Variants in GRM7 observed in about 807,000 individuals in gnomAD.
The protein encoded by GRM7 is glutamate metabotropic receptor 7.
Under a neutral mutation model 84.5 loss-of-function variants are expected in GRM7, and 35 were observed. The observed-to-expected ratio is 0.41, with a 90% CI of 0.32 to 0.55. GRM7 has a LOEUF of 0.55. Among genes scored for constraint, GRM7 ranks in the 20% least tolerant of loss-of-function variants. The pLI, the probability that GRM7 is intolerant of heterozygous loss-of-function variation, is 0.19. For missense variants in GRM7, 1,003 were observed against 1,194.6 expected (o/e 0.84, Z 2.36); for synonymous variants, 487 against 455.1 (o/e 1.07, Z -0.89).
At chr3:7,261,414 A>AC (rs1269803055) in intron 2 of GRM7, among the ~76,000 whole-genome samples, 1 of 152,072 alleles carries the variant, frequency 6.6e-6, no homozygotes, top group Non-Finnish European at 1.5e-5. Flanking sequence ...TAGGATTGCA[A>AC]CCCATGCTTT....
chr3:7,609,097 A>C (rs1696729097), intron 8 of GRM7, among the ~76,000 whole-genome samples: 1 of 152,128 alleles, frequency 6.6e-6, no homozygotes, highest in South Asian at 2.1e-4. Context: ...TACCAGTATC[A>C]TGCTGTTTTA....
At chr3:7,025,210 C>G (rs1189031889) in intron 1 of GRM7, among the ~76,000 whole-genome samples, 2 of 152,320 alleles carry the variant, frequency 1.3e-5, no homozygotes, top group Middle Eastern at 3.4e-3. Context: ...CTAGAATAAT[C>G]TCTCCATCTC....
chr3:6,950,329 C>G (rs1003331655), intron 1 of GRM7, among the ~76,000 whole-genome samples: 3 of 152,136 alleles, frequency 2.0e-5, no homozygotes, highest in East Asian at 3.9e-4. Flanking sequence ...CACTCCAGAC[C>G]CTGTTTGCCT....
At chr3:6,895,167 T>G (rs1181418519) in intron 1 of GRM7, among the ~76,000 whole-genome samples, 6 of 152,146 alleles carry the variant, frequency 3.9e-5, no homozygotes, top group Non-Finnish European at 1.5e-5. Context: ...CTCAATCTAC[T>G]GGAAAGTAAA....
intron 2 of GRM7, among the ~76,000 whole-genome samples, chr3:7,177,704 A>G (rs1695201174): frequency 6.6e-6 from 1 of 152,124 alleles, no homozygotes; most frequent in African/African-American, 2.4e-5. Context: ...GTTTTTAAAT[A>G]TCGAGAATCA....
At chr3:7,378,032 C>G (rs1189034377) in intron 4 of GRM7, among the ~76,000 whole-genome samples, 2 of 152,152 alleles carry the variant, frequency 1.3e-5, no homozygotes, top group Non-Finnish European at 2.9e-5. Context: ...CTCCCTGACC[C>G]CATCCCAATT....
intron 2 of GRM7, among the ~76,000 whole-genome samples, chr3:7,275,449 A>C (rs138664249): frequency 5.8e-4 from 89 of 152,186 alleles, no homozygotes; most frequent in African/African-American, 1.9e-3. Flanking sequence ...AGAATTTTAT[A>C]ATCCTATGAT....
intron 1 of GRM7, among the ~76,000 whole-genome samples, chr3:6,981,198 T>C (rs1056578324): frequency 2.0e-5 from 3 of 152,232 alleles, no homozygotes; most frequent in Non-Finnish European, 4.4e-5. Flanking sequence ...ACTTAAATTA[T>C]ACATGTTTGA....
intron 1 of GRM7, among the ~76,000 whole-genome samples, chr3:6,912,899 G>T (rs969906032): frequency 2.6e-5 from 4 of 152,112 alleles, no homozygotes; most frequent in Admixed American, 1.3e-4. Flanking sequence ...ATAAATTCAA[G>T]CTAAATAGCA....
chr3:7,428,072 A>T (rs777664840), intron 5 of GRM7, among the ~76,000 whole-genome samples: 5 of 152,168 alleles, frequency 3.3e-5, no homozygotes, highest in Non-Finnish European at 5.9e-5. Context: ...ATACGGAGTG[A>T]CCTATATGTC....
At chr3:7,208,827 C>G (rs1192231028) in intron 2 of GRM7, among the ~76,000 whole-genome samples, 4 of 152,120 alleles carry the variant, frequency 2.6e-5, no homozygotes, top group Non-Finnish European at 4.4e-5. Context: ...CTAATATGAT[C>G]CTGGATAGAA....
chr3:7,119,660 T>C (rs1693154844), intron 1 of GRM7, among the ~76,000 whole-genome samples: 1 of 152,158 alleles, frequency 6.6e-6, no homozygotes, highest in Non-Finnish European at 1.5e-5. Flanking sequence ...TAACTCACGT[T>C]AGGCCAAATC....
At chr3:7,463,974 C>G (rs1698358095) in intron 7 of GRM7, among the ~76,000 whole-genome samples, 1 of 152,094 alleles carries the variant, frequency 6.6e-6, no homozygotes, top group Admixed American at 6.6e-5. Flanking sequence ...GCAGAAAGAC[C>G]AATTATGATT....
chr3:7,393,415 A>T (rs1009250934), intron 4 of GRM7, among the ~76,000 whole-genome samples: 2 of 152,256 alleles, frequency 1.3e-5, no homozygotes, highest in African/African-American at 4.8e-5. Flanking sequence ...GTAAAAGCCC[A>T]TGTCAGAGCT....
At chr3:7,687,114 A>G (rs1700617917) in intron 9 of GRM7, among the ~76,000 whole-genome samples, 5 of 152,140 alleles carry the variant, frequency 3.3e-5, no homozygotes, top group Non-Finnish European at 5.9e-5. Context: ...TCATCACACA[A>G]AAGCAGAAAA....
chr3:7,204,037 A>T (rs1028283121), intron 2 of GRM7, among the ~76,000 whole-genome samples: 1 of 152,202 alleles, frequency 6.6e-6, no homozygotes, highest in Non-Finnish European at 1.5e-5. Context: ...CATTTCAAAT[A>T]TCATTTTCTA....
rs975032014 is a variant in GRM7, at chr3:6,863,057, T to C, written c.519+1150T>C. ...TTGAGTTTCAGGGTCTCTGTGATTGTAGGTTCCCTCCTCTGTGTCTTTCCC... is the reference window on the plus strand; with the variant it reads ...TTGAGTTTCAGGGTCTCTGTGATTGCAGGTTCCCTCCTCTGTGTCTTTCCC... On this transcript the variant is annotated intron_variant, in intron 1 of 9. Transcript: ENST00000357716. The surrounding 1 kb of genome is among the most constrained non-coding windows in gnomAD (Gnocchi z 4.8). 15 of 454,308 alleles carry C rather than the reference T, an allele frequency of 3.3e-5. No individual in the cohort carries two copies. Among genetic ancestry groups the C allele is most frequent in the South Asian group, 1.9e-4 (12 of 64,258 alleles). The allele number at this position is 454,308 out of a possible 1,614,324, so 28.1% of individuals were successfully genotyped here. A position where few individuals can be genotyped will look rare whatever the true frequency, so the allele number is the denominator to read the frequency against.
chr3:7,305,652 A>G lies in GRM7; in HGVS notation c.879-846A>G, dbSNP rs970134738. On this transcript the variant is annotated intron_variant, in intron 3 of 9. Coordinates refer to ENST00000357716, the MANE Select transcript of GRM7 (RefSeq NM_000844.4). Reference sequence around the variant, plus strand: ...TGAGAATGATTTTTTTCTTTAGAAAACTGTCATTTCCTGCCTGGAAGAAAA... The same window carrying G: ...TGAGAATGATTTTTTTCTTTAGAAAGCTGTCATTTCCTGCCTGGAAGAAAA... 1.9e-4 allele frequency among the ~76,000 whole-genome samples: 28 copies of G among 150,298 alleles called. 1 individual carries two copies. The highest frequency in any genetic ancestry group is 6.6e-5 in the Admixed American group (1 of 15,122).
chr3:7,110,806 C>T (rs1005463667), intron 1 of GRM7, among the ~76,000 whole-genome samples: 51 of 151,882 alleles, frequency 3.4e-4, no homozygotes, highest in African/African-American at 1.2e-3. Flanking sequence ...TGTAAATTAG[C>T]AACATCAAGG....
Sources: gnomAD v4.1 joint callset for allele counts (sites outside exome capture counted in the v4.1 genomes callset) on GRCh38, gnomAD v4.1.1 for gene constraint, Gnocchi (gnomAD v3.1) non-coding constraint, MANE v1.5 for transcripts, NCBI Gene and HGNC (gene_info 2026-07-23, HGNC 2026-07-21) for gene names.